Variants in DLGAP2 observed in about 807,000 individuals in gnomAD.
DLGAP2 encodes the protein disks large-associated protein 2.
In DLGAP2, 26 loss-of-function variants were observed where a neutral mutation model predicts 100.3. That is an observed-to-expected ratio of 0.26 (90% confidence interval 0.19 to 0.36). DLGAP2 has a LOEUF of 0.36. Among genes scored for constraint, DLGAP2 ranks in the 10% least tolerant of loss-of-function variants. DLGAP2 has a pLI of 1.00. For synonymous variants in DLGAP2, 886 were observed against 630.1 expected, an observed-to-expected ratio of 1.41 and a Z score of -6.08; for missense variants, 1,858 against 1,453.2, an observed-to-expected ratio of 1.28 and a Z score of -4.53.
At chr8:1,500,109 A>T (rs1799667576) in intron 3 of DLGAP2, among the ~76,000 whole-genome samples, 1 of 152,260 alleles carries the variant, frequency 6.6e-6, no homozygotes, top group South Asian at 2.1e-4. Context: ...TGGGGCATAT[A>T]TGCCAAAATG....
chr8:1,364,502 CG>C (rs139560352), intron 3 of DLGAP2, among the ~76,000 whole-genome samples: 16 of 141,608 alleles, frequency 1.1e-4, no homozygotes, highest in Non-Finnish European at 2.0e-4. Flanking sequence ...ATGGGAAGGG[CG>C]GGGGGGGTGC....
intron 3 of DLGAP2, among the ~76,000 whole-genome samples, chr8:1,437,078 A>T (rs1184547350): frequency 6.6e-6 from 1 of 151,606 alleles, no homozygotes; most frequent in Admixed American, 6.6e-5. Flanking sequence ...CGTTCAGCCC[A>T]GGCGCGTAGG....
intron 3 of DLGAP2, among the ~76,000 whole-genome samples, chr8:1,393,838 GCCCC>G (rs1796423080): frequency 3.1e-4 from 2 of 6,406 alleles, no homozygotes; most frequent in Non-Finnish European, 4.9e-4. Context: ...CTTACTGAGC[GCCCC>G]CTCCTCGTCC....
rs181219002 is a variant in DLGAP2 at position 1,300,155 on chromosome 8, A to G, written c.106+41272A>G. 5.9e-5 allele frequency: 9 copies of G among 152,382 alleles called. No individual in the cohort carries two copies. In the East Asian group the frequency reaches 1.7e-3, roughly 29 times the overall value. The allele number at this position is 152,382 out of a possible 1,614,324, so 9.4% of individuals were successfully genotyped here. ...TTCAGCATATCGATTTGTCAGGGAAACAAAATTCAGCCCCTAGCAATGTTC... is the reference window on the plus strand; with the variant it reads ...TTCAGCATATCGATTTGTCAGGGAAGCAAAATTCAGCCCCTAGCAATGTTC... On this transcript the variant is annotated intron_variant, in intron 3 of 14. Transcript: ENST00000637795.
intron 2 of DLGAP2, among the ~76,000 whole-genome samples, chr8:1,094,569 C>G (rs573051896): frequency 6.6e-6 from 1 of 152,346 alleles, no homozygotes; most frequent in East Asian, 1.9e-4. Context: ...TCCAACATGT[C>G]TTGTTTCTAT....
At chr8:1,205,153 T>C (rs1388589251) in intron 2 of DLGAP2, among the ~76,000 whole-genome samples, 1 of 152,150 alleles carries the variant, frequency 6.6e-6, no homozygotes, top group Non-Finnish European at 1.5e-5. Context: ...CCTGGAAAGG[T>C]CCATCGCGTT....
chr8:1,352,374 G>A (rs1410381922), intron 3 of DLGAP2, among the ~76,000 whole-genome samples: 1 of 152,078 alleles, frequency 6.6e-6, no homozygotes, highest in South Asian at 2.1e-4. Flanking sequence ...TCCCCCTGGG[G>A]CTTCCTCATG....
chr8:771,951 G>A (rs1821374239), intron 1 of DLGAP2, among the ~76,000 whole-genome samples: 1 of 152,126 alleles, frequency 6.6e-6, no homozygotes, highest in African/African-American at 2.4e-5. Context: ...TCTCCAGGCT[G>A]GAGTGCAGTG....
intron 2 of DLGAP2, among the ~76,000 whole-genome samples, chr8:1,209,864 C>A (rs961295668): frequency 2.0e-5 from 3 of 152,186 alleles, no homozygotes; most frequent in Non-Finnish European, 2.9e-5. Flanking sequence ...TCAGAACGCC[C>A]AGGCATGTCC....
intron 2 of DLGAP2, among the ~76,000 whole-genome samples, chr8:1,126,915 GCC>G (rs1796178029): frequency 6.6e-6 from 1 of 151,732 alleles, no homozygotes; most frequent in South Asian, 2.1e-4. Context: ...CTGAGGCAGG[GCC>G]CTCGCTTGTG....
intron 3 of DLGAP2, among the ~76,000 whole-genome samples, chr8:1,278,356 C>G (rs912659522): frequency 6.6e-6 from 1 of 152,256 alleles, no homozygotes; most frequent in South Asian, 2.1e-4. Context: ...TCTGGGGACT[C>G]TGCTCCCCAT....
intron 2 of DLGAP2, among the ~76,000 whole-genome samples, chr8:1,201,927 C>G (rs1797883854): frequency 6.6e-6 from 1 of 151,404 alleles, no homozygotes. Flanking sequence ...TGGTATCTAG[C>G]TCTGTGTGTG....
At chr8:1,401,231 C>T (rs369462168) in intron 3 of DLGAP2, among the ~76,000 whole-genome samples, 267 of 276 alleles carry the variant, frequency 0.97, 131 homozygotes, top group Admixed American at 1. Context: ...GCCACCTCCT[C>T]GTCCTCCAGA....
intron 3 of DLGAP2, among the ~76,000 whole-genome samples, chr8:1,296,665 G>A (rs546654664): frequency 6.6e-6 from 1 of 152,288 alleles, no homozygotes; most frequent in Non-Finnish European, 1.5e-5. Context: ...CAAATCCTGG[G>A]AACAGAGAAC....
intron 5 of DLGAP2, among the ~76,000 whole-genome samples, chr8:1,553,241 C>G (rs1341482231): frequency 1.3e-5 from 2 of 152,206 alleles, no homozygotes; most frequent in African/African-American, 2.4e-5. Flanking sequence ...CAGTCTCCCA[C>G]CGCGTCCTGC....
chr8:800,659 T>C (rs1796129722), intron 1 of DLGAP2, among the ~76,000 whole-genome samples: 1 of 152,184 alleles, frequency 6.6e-6, no homozygotes, highest in Non-Finnish European at 1.5e-5. Flanking sequence ...TGCACATGCG[T>C]GTGCATGTGT....
intron 1 of DLGAP2, among the ~76,000 whole-genome samples, chr8:802,915 T>C (rs1456665477): frequency 6.6e-6 from 1 of 152,118 alleles, no homozygotes; most frequent in East Asian, 1.9e-4. Context: ...GGGGTGTGAT[T>C]TTACACATAG....
At chr8:1,056,301 C>G (rs1001663055) in intron 2 of DLGAP2, among the ~76,000 whole-genome samples, 2 of 152,176 alleles carry the variant, frequency 1.3e-5, no homozygotes, top group African/African-American at 2.4e-5. Flanking sequence ...TAACGCATCC[C>G]ATAGTTTCAC....
In DLGAP2 at chr8:1,343,373, C is replaced by T. The variant is rs950707471; in HGVS notation, c.106+84490C>T. ...GACAAGACTCACAGACACGGCCAACCGGAGTTGCCCACGAGCCTGTGTCCT... is the reference window on the plus strand; with the variant it reads ...GACAAGACTCACAGACACGGCCAACTGGAGTTGCCCACGAGCCTGTGTCCT... On this transcript the variant is annotated intron_variant, in intron 3 of 14. Coordinates refer to ENST00000637795, the MANE Select transcript of DLGAP2 (RefSeq NM_001346810.2). 1.1e-4 allele frequency among the ~76,000 whole-genome samples: 16 copies of T among 152,134 alleles called. No individual in the cohort carries two copies. The East Asian group carries it at 1.2e-3, about 11-fold the overall frequency.
Sources: gnomAD v4.1 joint callset for allele counts (sites outside exome capture counted in the v4.1 genomes callset) on GRCh38, gnomAD v4.1.1 for gene constraint, MANE v1.5 for transcripts, NCBI Gene and HGNC (gene_info 2026-07-23, HGNC 2026-07-21) for gene names.